The following AGO1 variants were observed in gnomAD, a reference collection of about 807,000 sequenced individuals.
AGO1 encodes protein argonaute-1.
A neutral mutation model predicts 109.2 loss-of-function variants in AGO1; 11 were observed. The observed-to-expected ratio is 0.10, with a 90% CI of 0.06 to 0.17. The LOEUF (loss-of-function observed/expected upper bound fraction) is 0.17, where lower values mean the gene tolerates loss of function less well. Ranked by LOEUF, AGO1 falls within the 10% of genes least tolerant of loss-of-function variation. The pLI is 1.00. For missense variants in AGO1, 574 were observed against 1,140.3 expected (o/e 0.50, Z 7.15); for synonymous variants, 422 against 418.6 (o/e 1.01, Z -0.10).
intron 2 of AGO1, among the ~76,000 whole-genome samples, chr1:35,891,597 C>G (rs1645220376): frequency 6.6e-6 from 1 of 151,816 alleles, no homozygotes; most frequent in South Asian, 2.1e-4. Context: ...CGGAGTCTCA[C>G]TTTATCGTCC....
At chr1:35,909,559 C>A (rs996779432) in intron 12 of AGO1, among the ~76,000 whole-genome samples, 1 of 152,198 alleles carries the variant, frequency 6.6e-6, no homozygotes, top group Non-Finnish European at 1.5e-5. Context: ...ACTTAAAATT[C>A]TCTCCATCCT....
At chr1:35,904,427 C>T (rs905672393) in intron 11 of AGO1, among the ~76,000 whole-genome samples, 1 of 152,140 alleles carries the variant, frequency 6.6e-6, no homozygotes, top group African/African-American at 2.4e-5. Flanking sequence ...CTTTAGCCCC[C>T]ATTTAAGCCA....
intron 1 of AGO1, among the ~76,000 whole-genome samples, chr1:35,885,563 G>A (rs1468007206): frequency 6.6e-6 from 1 of 152,206 alleles, no homozygotes; most frequent in Non-Finnish European, 1.5e-5. Context: ...AGAAGTTAGA[G>A]TGGTGTCCCA....
chr1:35,901,868 G>T lies in AGO1; in HGVS notation c.1141-80G>T. 2 of 1,515,042 alleles carry T rather than the reference G, an allele frequency of 1.3e-6. No individual in the cohort carries two copies. The highest frequency in any genetic ancestry group is 1.8e-6 in the Non-Finnish European group (2 of 1,131,370). The allele number at this position is 1,515,042 out of a possible 1,614,324, so 93.8% of individuals were successfully genotyped here. A position where few individuals can be genotyped will look rare whatever the true frequency, so the allele number is the denominator to read the frequency against. ...CGTACCAACCCCAGCTTCTCCTTAG[G>T]GTTCTCTCCTTGATACCCAGAGGGT... On this transcript the variant is annotated intron_variant, in intron 9 of 18. Coordinates refer to ENST00000373204, the MANE Select transcript of AGO1 (RefSeq NM_012199.5). This position sits in a 1 kb window ranked among gnomAD's most constrained non-coding sequence, Gnocchi z 4.8.
At position 35,914,397 on chromosome 1, in the gene AGO1, G is replaced by A. The variant is rs1025934832; in HGVS notation, c.1833+123G>A. The A allele has an allele frequency of 4.0e-5, 29 of 723,516 alleles. 1 individual carries two copies. Among genetic ancestry groups the A allele is most frequent in the Middle Eastern group, 2.4e-4 (1 of 4,162 alleles). The allele number at this position is 723,516 out of a possible 1,614,324, so 44.8% of individuals were successfully genotyped here. ...CCTTCATAAGATGTCCATTTAGCTC[G>A]CTATTCCCAATTCCCATTCCCTTGA... On this transcript the variant is annotated intron_variant, in intron 14 of 18. Transcript: ENST00000373204.
At chr1:35,898,502 G>A (rs912461554) in intron 8 of AGO1, among the ~76,000 whole-genome samples, 2 of 152,072 alleles carry the variant, frequency 1.3e-5, no homozygotes, top group African/African-American at 2.4e-5. Flanking sequence ...TGATCCGCCC[G>A]CCTCAGCCTC....
intron 2 of AGO1, among the ~76,000 whole-genome samples, chr1:35,892,351 C>T (rs1163270291): frequency 2.0e-5 from 3 of 152,230 alleles, no homozygotes; most frequent in Admixed American, 6.5e-5. Context: ...TTTCAGGCTT[C>T]GCTCTAGACC....
At chr1:35,871,400 G>A (rs1037736745) in intron 1 of AGO1, among the ~76,000 whole-genome samples, 3 of 151,372 alleles carry the variant, frequency 2.0e-5, no homozygotes, top group African/African-American at 4.9e-5. Context: ...AAAATTAGCC[G>A]GGTATGGTGG....
chr1:35,918,308 T>C lies in AGO1; in HGVS notation c.2164-14T>C. ...GCAGGTCTTGGGATCTTGGTTGTGTTTGTCTCTATACAGATTGGGAAGAGT... is the reference window on the plus strand; with the variant it reads ...GCAGGTCTTGGGATCTTGGTTGTGTCTGTCTCTATACAGATTGGGAAGAGT... On this transcript the variant is annotated splice_polypyrimidine_tract_variant and intron_variant, in intron 16 of 18. Coordinates refer to ENST00000373204, the MANE Select transcript of AGO1 (RefSeq NM_012199.5). The C allele has an allele frequency of 6.2e-7, 1 of 1,605,678 alleles. No individual in the cohort carries two copies. The highest frequency in any genetic ancestry group is 1.1e-5 in the South Asian group (1 of 90,890).
At chr1:35,889,183 C>CT (rs35255117) in intron 2 of AGO1, among the ~76,000 whole-genome samples, 1,612 of 113,386 alleles carry the variant, frequency 0.014, 36 homozygotes, top group African/African-American at 0.025. Flanking sequence ...GTGATATTTC[C>CT]TTTTTTTTTT....
chr1:35,874,332 T>A (rs192078841), intron 1 of AGO1, among the ~76,000 whole-genome samples: 6 of 152,296 alleles, frequency 3.9e-5, no homozygotes, highest in Admixed American at 3.9e-4. Flanking sequence ...CATGCCTGGC[T>A]CATTTAAAAG....
At chr1:35,883,127 C>T, upstream of AGO1, 1 of 1,099,600 alleles carries the variant, frequency 9.1e-7, no homozygotes, top group Non-Finnish European at 1.1e-6. This position sits in a 1 kb window ranked among gnomAD's most constrained non-coding sequence, Gnocchi z 5.4. Flanking sequence ...CCCCGCCCCT[C>T]TCCATTGGCC....
At chr1:35,890,644 A>C (rs1426323219) in intron 2 of AGO1, among the ~76,000 whole-genome samples, 1 of 152,134 alleles carries the variant, frequency 6.6e-6, no homozygotes, top group African/African-American at 2.4e-5. Context: ...CACTCATATG[A>C]GTATATTTGT....
intron 1 of AGO1, among the ~76,000 whole-genome samples, chr1:35,872,662 C>G (rs1644961528): frequency 6.6e-6 from 1 of 151,946 alleles, no homozygotes; most frequent in Non-Finnish European, 1.5e-5. Context: ...AACCTCAACT[C>G]CTGAGCTGAA....
chr1:35,915,441 A>C lies in AGO1; in HGVS notation c.1927A>C (p.Met643Leu), dbSNP rs759663700. ...RQEIIEDLSY[M>L]VRELLIQFYK... ...AGAGATCATTGAAGACTTGTCCTAC[A>C]TGGTGCGTGAGCTCCTCATCCAATT... is the stretch of plus-strand genomic sequence containing the variant. Residue 643 changes from methionine to leucine, a missense_variant, in exon 15 of 19, where the codon ATG becomes CTG. This residue lies in a region of AGO1 where 45 missense variants were observed against 61.3 expected (regional missense o/e 0.73). Coordinates refer to ENST00000373204, the MANE Select transcript of AGO1 (RefSeq NM_012199.5). 1.2e-6 allele frequency: 2 copies of C among 1,613,990 alleles called. No homozygotes were observed. Among genetic ancestry groups the C allele is most frequent in the Non-Finnish European group, 1.7e-6 (2 of 1,180,032 alleles).
At chr1:35,906,704 A>G (rs1645525732) in intron 11 of AGO1, among the ~76,000 whole-genome samples, 1 of 150,898 alleles carries the variant, frequency 6.6e-6, no homozygotes, top group Non-Finnish European at 1.5e-5. Context: ...CCTACTCAGG[A>G]GGCTGAGATG....
rs535284786 is a variant in AGO1 at position 35,893,361 on chromosome 1, C to T, written c.512+83C>T. The T allele has an allele frequency of 1.4e-6, 2 of 1,445,152 alleles. No individual in the cohort carries two copies. Among genetic ancestry groups the T allele is most frequent in the South Asian group, 2.7e-5 (2 of 75,294 alleles). The allele number at this position is 1,445,152 out of a possible 1,614,324, so 89.5% of individuals were successfully genotyped here. On this transcript the variant is annotated intron_variant, in intron 4 of 18. Transcript: ENST00000373204. This position sits in a 1 kb window ranked among gnomAD's most constrained non-coding sequence, Gnocchi z 5.6. ...GGAGGGGGAGCACATATTAAGGTCC[C>T]ACAGAGTGCCATTAAAAAAAAAAAT...
chr1:35,908,816 CTTTTT>C (rs397861392), intron 12 of AGO1, among the ~76,000 whole-genome samples: 3 of 131,346 alleles, frequency 2.3e-5, no homozygotes, highest in Non-Finnish European at 4.9e-5. Context: ...TCTAACCTTC[CTTTTT>C]TTTTTTTTTT....
At chr1:35,884,255 A>G (rs981138641) in intron 1 of AGO1, among the ~76,000 whole-genome samples, 2 of 152,060 alleles carry the variant, frequency 1.3e-5, no homozygotes, top group East Asian at 3.9e-4. Flanking sequence ...GGTTGAGGGA[A>G]GCTGCCAAAG....
Sources: allele counts gnomAD v4.1 joint callset (sites outside exome capture counted in the v4.1 genomes callset), GRCh38; gene constraint gnomAD v4.1.1; regional missense constraint gnomAD v4.1.1; non-coding constraint Gnocchi (gnomAD v3.1); transcripts MANE v1.5; gene names NCBI Gene and HGNC (gene_info 2026-07-23, HGNC 2026-07-21).